The following FBRSL1 variants were observed in gnomAD, a reference collection of about 807,000 sequenced individuals.
FBRSL1 encodes fibrosin like 1, also known as fibrosin-1-like protein.
A neutral mutation model predicts 89.6 loss-of-function variants in FBRSL1; 51 were observed. The observed-to-expected ratio is 0.57, with a 90% CI of 0.45 to 0.72. FBRSL1 has a LOEUF of 0.72. Among genes scored for constraint, FBRSL1 ranks in the 30% least tolerant of loss-of-function variants. The pLI, the probability that FBRSL1 is intolerant of heterozygous loss-of-function variation, is 0.00. For missense variants in FBRSL1, 1,618 were observed against 1,451.8 expected, an observed-to-expected ratio of 1.11 and a Z score of -1.86; for synonymous variants, 779 against 681.1, an observed-to-expected ratio of 1.14 and a Z score of -2.24.
rs1344878743 is a variant in FBRSL1, at chr12:132,584,241, C to G, written c.*463C>G. 1 of 152,210 alleles carries G rather than the reference C, an allele frequency of 6.6e-6. No individual in the cohort carries two copies. The highest frequency in any genetic ancestry group is 1.9e-4 in the East Asian group (1 of 5,200). The allele number at this position is 152,210 out of a possible 1,614,324, so 9.4% of individuals were successfully genotyped here. A position where few individuals can be genotyped will look rare whatever the true frequency, so the allele number is the denominator to read the frequency against. On this transcript the variant is annotated 3_prime_UTR_variant, in exon 19 of 19. Transcript: ENST00000680143. ...CCCCCACTCAGGCCAGCCCTGGCCCCCCCTTGGTACTTGGAACCGAAGTTA... is the reference window on the plus strand; with the variant it reads ...CCCCCACTCAGGCCAGCCCTGGCCCGCCCTTGGTACTTGGAACCGAAGTTA...
At chr12:132,511,381 C>T in intron 2 of FBRSL1, 1 of 985,856 alleles carries the variant, frequency 1.0e-6, no homozygotes, top group Middle Eastern at 5.2e-4. Context: ...ACAAGGCTAC[C>T]CCTGGGCCCA....
intron 5 of FBRSL1, among the ~76,000 whole-genome samples, chr12:132,558,076 C>G (rs1477926906): frequency 6.6e-6 from 1 of 151,600 alleles, no homozygotes; most frequent in African/African-American, 2.4e-5. Context: ...CTGGACCCCC[C>G]ATGGACAGAA....
chr12:132,572,484 G>A (rs904986562), intron 10 of FBRSL1, 43 bp from the exon 11 acceptor site: 2 of 1,506,714 alleles, frequency 1.3e-6, no homozygotes, highest in African/African-American at 2.8e-5. Context: ...AGGGTGGGGT[G>A]AGGACTTGGG....
rs560816860 is a variant in FBRSL1, at chr12:132,551,041, G to A, written c.645+3009G>A. On this transcript the variant is annotated intron_variant, in intron 5 of 18. Coordinates refer to ENST00000680143, the MANE Select transcript of FBRSL1 (RefSeq NM_001367871.1). ...TCCTCCCTACCCGCTGGGAGCAGAG[G>A]CACCCAGATCTCTGTCCCTGGGCAC... The A allele has an allele frequency of 2.5e-4, 67 of 268,708 alleles. 1 individual carries two copies. The South Asian group carries it at 2.6e-3, about 10-fold the overall frequency. The allele number at this position is 268,708 out of a possible 1,614,324, so 16.6% of individuals were successfully genotyped here. A position where few individuals can be genotyped will look rare whatever the true frequency, so the allele number is the denominator to read the frequency against.
intron 4 of FBRSL1, among the ~76,000 whole-genome samples, chr12:132,537,720 C>T (rs1462496101): frequency 6.6e-6 from 1 of 152,164 alleles, no homozygotes; most frequent in Non-Finnish European, 1.5e-5. Flanking sequence ...ATAGTTTTGT[C>T]CCCTCCAACC....
chr12:132,543,939 C>CA (rs1214040382), intron 4 of FBRSL1, among the ~76,000 whole-genome samples: 3 of 152,164 alleles, frequency 2.0e-5, no homozygotes, highest in East Asian at 3.9e-4. Context: ...AGCCCTGACT[C>CA]ACGCCTGGCC....
At chr12:132,552,844 G>C (rs1013783386) in intron 5 of FBRSL1, 2 of 166,796 alleles carry the variant, frequency 1.2e-5, no homozygotes, top group Non-Finnish European at 2.6e-5. Flanking sequence ...AGGACGGATG[G>C]ACGGCTGGAC....
At chr12:132,528,333 A>G (rs1403638465) in intron 4 of FBRSL1, among the ~76,000 whole-genome samples, 1 of 151,908 alleles carries the variant, frequency 6.6e-6, no homozygotes, top group Non-Finnish European at 1.5e-5. Flanking sequence ...GGGTGCCGGG[A>G]TCCGCGGGGC....
intron 5 of FBRSL1, among the ~76,000 whole-genome samples, chr12:132,556,904 G>A (rs2038722760): frequency 6.6e-6 from 1 of 152,086 alleles, no homozygotes; most frequent in African/African-American, 2.4e-5. Context: ...GGCGTGAGAG[G>A]ACACGGCCCA....
At chr12:132,556,406 AC>A (rs941402887) in intron 5 of FBRSL1, among the ~76,000 whole-genome samples, 17 of 151,412 alleles carry the variant, frequency 1.1e-4, no homozygotes, top group Non-Finnish European at 2.9e-5. Flanking sequence ...CGCAGGCCCT[AC>A]CCCCCACGCC....
intron 2 of FBRSL1, among the ~76,000 whole-genome samples, chr12:132,524,568 T>G (rs1566140479): frequency 6.6e-6 from 1 of 152,160 alleles, no homozygotes; most frequent in African/African-American, 2.4e-5. Flanking sequence ...GGGACGGGTT[T>G]CCCCGGGCTG....
chr12:132,496,190 C>T (rs949790933), intron 1 of FBRSL1, among the ~76,000 whole-genome samples: 1 of 152,262 alleles, frequency 6.6e-6, no homozygotes, highest in Non-Finnish European at 1.5e-5. Flanking sequence ...CCGCACAGTC[C>T]TGCAGCAGGG....
chr12:132,556,697 A>C (rs56243112), intron 5 of FBRSL1, among the ~76,000 whole-genome samples: 4 of 32,620 alleles, frequency 1.2e-4, no homozygotes, highest in African/African-American at 4.5e-4. Context: ...CCAGGCCTTC[A>C]TGCTGCCTCC....
chr12:132,567,644 G>A, intron 6 of FBRSL1, 118 bp downstream of exon 6: 4 of 1,074,108 alleles, frequency 3.7e-6, no homozygotes, highest in Middle Eastern at 2.0e-4. Context: ...CACCTGGGGT[G>A]CAGAGCTGGG....
intron 5 of FBRSL1, chr12:132,554,251 C>A (rs2038428499): frequency 6.6e-6 from 1 of 152,264 alleles, no homozygotes; most frequent in Non-Finnish European, 1.5e-5. Context: ...AACAAGGGCC[C>A]CCCATTCAGG....
At chr12:132,509,506 G>A (rs988186442) in intron 2 of FBRSL1, 64 of 1,236,562 alleles carry the variant, frequency 5.2e-5, no homozygotes, top group Non-Finnish European at 5.6e-5. Context: ...CAGCCCTGCC[G>A]GCCGCATTGG....
chr12:132,578,503 A>G (rs1439375609), intron 15 of FBRSL1, among the ~76,000 whole-genome samples: 1 of 152,070 alleles, frequency 6.6e-6, no homozygotes, highest in East Asian at 1.9e-4. Flanking sequence ...CAGGGATGGG[A>G]GGAAATCTGT....
rs1566212140 is a variant in FBRSL1, at chr12:132,564,653, GCCC to G, written c.646-2827_646-2825del. 3.0e-4 allele frequency among the ~76,000 whole-genome samples: 32 copies of G among 104,972 alleles called. 8 individuals are homozygous for G. The highest frequency in any genetic ancestry group is 5.0e-4 in the East Asian group (1 of 1,998). The allele number at this position is 104,972 out of a possible 152,430, so 68.9% of individuals were successfully genotyped here. ...TGGGACTACAGGCGCCCGCCACCAC[GCCC>G]GGCTAATTTTTTGTATTTTTAGTAG... is the stretch of plus-strand genomic sequence containing the variant. On this transcript the variant is annotated intron_variant, in intron 5 of 18. Coordinates refer to ENST00000680143, the MANE Select transcript of FBRSL1 (RefSeq NM_001367871.1).
chr12:132,491,433 C>G (rs1372435007), intron 1 of FBRSL1, among the ~76,000 whole-genome samples: 6 of 152,238 alleles, frequency 3.9e-5, no homozygotes, highest in Admixed American at 2.6e-4. Context: ...GCTCCTCTTA[C>G]ATGAACTCAG....
Sources: gnomAD v4.1 joint callset for allele counts (sites outside exome capture counted in the v4.1 genomes callset) on GRCh38, gnomAD v4.1.1 for gene constraint, MANE v1.5 for transcripts, NCBI Gene and HGNC (gene_info 2026-07-23, HGNC 2026-07-21) for gene names.